Variants in FBXO34 observed in about 807,000 individuals in gnomAD.
FBXO34 encodes the protein F-box protein 34.
In FBXO34, 12 loss-of-function variants were observed where a neutral mutation model predicts 24.5. The observed-to-expected ratio is 0.49, with a 90% CI of 0.31 to 0.79. The LOEUF (loss-of-function observed/expected upper bound fraction) is 0.79. FBXO34 is among the 30% of genes least tolerant of loss of function. The probability of loss-of-function intolerance (pLI) is 0.04; values close to 1 mark genes in which losing one functional copy is unlikely to be tolerated. For missense variants in FBXO34, 823 were observed against 857.7 expected (o/e 0.96, Z 0.51); for synonymous variants, 320 against 311.9 (o/e 1.03, Z -0.27).
At chr14:55,374,070 T>A (rs1379993440), downstream of FBXO34, among the ~76,000 whole-genome samples, 1 of 152,244 alleles carries the variant, frequency 6.6e-6, no homozygotes, top group African/African-American at 2.4e-5. Context: ...TCAGACCCGC[T>A]ACAAAAATTC....
At chr14:55,363,489 G>A (rs983378113), downstream of FBXO34, among the ~76,000 whole-genome samples, 4 of 150,654 alleles carry the variant, frequency 2.7e-5, no homozygotes, top group Non-Finnish European at 5.9e-5. Context: ...CACCACACCC[G>A]ACTAATTTTT....
intron 1 of FBXO34, among the ~76,000 whole-genome samples, chr14:55,338,914 AAAAAAAC>A (rs1361699747): frequency 7.6e-6 from 1 of 131,430 alleles, no homozygotes; most frequent in African/African-American, 2.7e-5. Context: ...TCAAAAACAA[AAAAAAAC>A]AAAAAAAAAA....
chr14:55,422,307 G>A, the FBXO34 span, among the ~76,000 whole-genome samples: 7 of 152,098 alleles, frequency 4.6e-5, no homozygotes, highest in East Asian at 3.9e-4. Context: ...AGTAGACTAC[G>A]CGATCTCAGC....
At chr14:55,430,441 CTGTT>C in the FBXO34 span, among the ~76,000 whole-genome samples, 1 of 144,492 alleles carries the variant, frequency 6.9e-6, no homozygotes, top group Admixed American at 6.9e-5. Context: ...GGTTTTTGCT[CTGTT>C]ACCCAGGCTG....
At position 55,352,621 on chromosome 14, in the gene FBXO34, C is replaced by A. The variant is rs142724770; in HGVS notation, c.*95C>A. 8.1e-6 allele frequency: 8 copies of A among 991,842 alleles called. No homozygotes were observed. In the East Asian group the frequency reaches 1.0e-4, roughly 13 times the overall value. 61.4% of individuals were successfully genotyped at this position (991,842 alleles called of 1,614,324 possible). On this transcript the variant is annotated 3_prime_UTR_variant, in exon 2 of 2. Coordinates refer to ENST00000313833, the MANE Select transcript of FBXO34 (RefSeq NM_017943.4). ...GAGCGTAGCCCCCTGAGTCATCACT[C>A]TAGAAGAATCTGTACATCATCAGGA... is the stretch of plus-strand genomic sequence containing the variant.
chr14:55,378,637 C>T, the FBXO34 span, among the ~76,000 whole-genome samples: 1 of 152,076 alleles, frequency 6.6e-6, no homozygotes, highest in Non-Finnish European at 1.5e-5. Flanking sequence ...CTCAGTTCCC[C>T]TATGATCACA....
chr14:55,434,547 T>G, the FBXO34 span, among the ~76,000 whole-genome samples: 2 of 145,750 alleles, frequency 1.4e-5, no homozygotes, highest in Non-Finnish European at 3.0e-5. Flanking sequence ...TCCCCAGCCC[T>G]GCCCACCCCT....
At chr14:55,280,747 C>A (rs992335754) in intron 1 of FBXO34, among the ~76,000 whole-genome samples, 1 of 151,882 alleles carries the variant, frequency 6.6e-6, no homozygotes, top group Non-Finnish European at 1.5e-5. Context: ...AGGATGGTCT[C>A]GATCTCCTGA....
the FBXO34 span, among the ~76,000 whole-genome samples, chr14:55,431,989 A>T: frequency 6.6e-6 from 1 of 152,206 alleles, no homozygotes; most frequent in African/African-American, 2.4e-5. Context: ...AAGACCAAAA[A>T]ATATATGAAA....
the FBXO34 span, among the ~76,000 whole-genome samples, chr14:55,439,749 T>A: frequency 0.52 from 78,212 of 150,558 alleles, 20,456 homozygotes; most frequent in East Asian, 0.64. Context: ...GCTAACACGG[T>A]GAAACACTGT....
chr14:55,298,982 C>A, intron 1 of FBXO34: 1 of 1,606,146 alleles, frequency 6.2e-7, no homozygotes, highest in South Asian at 1.1e-5. Flanking sequence ...ACATGGACAT[C>A]GATAAAGTTG....
chr14:55,349,614 T>TTG (rs1451588693), intron 1 of FBXO34, among the ~76,000 whole-genome samples: 2 of 148,194 alleles, frequency 1.3e-5, no homozygotes, highest in Non-Finnish European at 3.0e-5. Flanking sequence ...TTTCTTTTTT[T>TTG]TTTTTTTTTT....
chr14:55,435,844 T>C, the FBXO34 span: 43 of 1,549,842 alleles, frequency 2.8e-5, no homozygotes, highest in South Asian at 5.1e-4. Context: ...TGAGAAATGT[T>C]ACCTTTGGGT....
At chr14:55,298,505 A>G in intron 1 of FBXO34, 1 of 599,342 alleles carries the variant, frequency 1.7e-6, no homozygotes, top group Admixed American at 3.0e-5. Context: ...TTATGTTTGT[A>G]CCAGTTTTAT....
chr14:55,396,004 A>G, the FBXO34 span: 1 of 1,552,976 alleles, frequency 6.4e-7, no homozygotes, highest in Non-Finnish European at 8.7e-7. Flanking sequence ...AGAGACAGAA[A>G]ATAAGCTCTT....
chr14:55,337,276 T>C (rs950173635), intron 1 of FBXO34, among the ~76,000 whole-genome samples: 7 of 151,866 alleles, frequency 4.6e-5, no homozygotes, highest in Admixed American at 4.6e-4. Context: ...ACCTGGTCCA[T>C]GCTTATGGTT....
chr14:55,416,347 T>G, the FBXO34 span, among the ~76,000 whole-genome samples: 4 of 152,124 alleles, frequency 2.6e-5, no homozygotes, highest in African/African-American at 9.7e-5. Flanking sequence ...ATTCCAGCAC[T>G]TTGGGAGGCC....
At chr14:55,428,977 G>A in the FBXO34 span, 22 of 1,613,732 alleles carry the variant, frequency 1.4e-5, no homozygotes, top group Non-Finnish European at 1.9e-5. Context: ...GCTCTTCACT[G>A]GGGAGGGGCA....
the FBXO34 span, chr14:55,377,734 G>T: frequency 4.8e-3 from 4,708 of 974,834 alleles, 121 homozygotes; most frequent in African/African-American, 0.069. Flanking sequence ...TGGGATTAGG[G>T]AACACGACTC....
Sources: gnomAD v4.1 joint callset for allele counts (sites outside exome capture counted in the v4.1 genomes callset) on GRCh38, gnomAD v4.1.1 for gene constraint, MANE v1.5 for transcripts, NCBI Gene and HGNC (gene_info 2026-07-23, HGNC 2026-07-21) for gene names.